Variants in NLGN1 observed in about 807,000 individuals in gnomAD.
NLGN1 encodes the protein neuroligin 1.
Under a neutral mutation model 65.5 loss-of-function variants are expected in NLGN1, and 12 were observed. The ratio of observed to expected loss-of-function variants is 0.18; its 90% CI spans 0.12 to 0.30. NLGN1 has a LOEUF of 0.30. Ranked by LOEUF, NLGN1 falls within the 10% of genes least tolerant of loss-of-function variation. NLGN1 has a pLI of 1.00. For synonymous variants in NLGN1, 350 were observed against 359.5 expected (o/e 0.97, Z 0.30); for missense variants, 750 against 1,007.1 (o/e 0.74, Z 3.46).
intron 4 of NLGN1, among the ~76,000 whole-genome samples, chr3:173,883,458 G>A (rs998924149): frequency 2.6e-5 from 4 of 152,092 alleles, no homozygotes; most frequent in African/African-American, 4.8e-5. Flanking sequence ...TTGAAGTATT[G>A]CACTGATTAC....
At chr3:173,500,386 C>A (rs989102604) in intron 2 of NLGN1, among the ~76,000 whole-genome samples, 7 of 152,106 alleles carry the variant, frequency 4.6e-5, no homozygotes, top group African/African-American at 1.4e-4. Flanking sequence ...CCAGCCTTGC[C>A]TCCAAGGGAT....
chr3:173,600,297 A>G (rs1276494120), intron 2 of NLGN1, among the ~76,000 whole-genome samples: 1 of 152,122 alleles, frequency 6.6e-6, no homozygotes, highest in East Asian at 1.9e-4. Context: ...GAACATAACT[A>G]CCATGAATAA....
chr3:174,196,006 G>C (rs1421417), intron 4 of NLGN1, among the ~76,000 whole-genome samples: 31,109 of 152,064 alleles, frequency 0.2, 3,586 homozygotes, highest in African/African-American at 0.3. Flanking sequence ...TGAGGATAAA[G>C]CAGGAGGGGC....
intron 2 of NLGN1, among the ~76,000 whole-genome samples, chr3:173,515,186 A>G (rs1733626526): frequency 6.6e-6 from 1 of 152,092 alleles, no homozygotes; most frequent in Non-Finnish European, 1.5e-5. Flanking sequence ...TTTTGATAAT[A>G]GCCATCCTAA....
intron 3 of NLGN1, among the ~76,000 whole-genome samples, chr3:173,711,883 C>T (rs187481382): frequency 1.3e-5 from 2 of 152,242 alleles, no homozygotes; most frequent in East Asian, 3.9e-4. Flanking sequence ...TTACGCTTTC[C>T]CAGAGTACGG....
intron 3 of NLGN1, among the ~76,000 whole-genome samples, chr3:173,754,453 A>T (rs1319224358): frequency 6.6e-6 from 1 of 152,036 alleles, no homozygotes; most frequent in Non-Finnish European, 1.5e-5. Context: ...TCTCTGTTTC[A>T]TATTTTTTCT....
At chr3:173,657,353 CCTT>C (rs1169090905) in intron 3 of NLGN1, among the ~76,000 whole-genome samples, 1 of 151,944 alleles carries the variant, frequency 6.6e-6, no homozygotes, top group Non-Finnish European at 1.5e-5. Context: ...TGGTTTTTGA[CCTT>C]CTTTACTGCT....
At chr3:173,988,571 C>T (rs1344317593) in intron 4 of NLGN1, among the ~76,000 whole-genome samples, 4 of 152,072 alleles carry the variant, frequency 2.6e-5, no homozygotes, top group Non-Finnish European at 4.4e-5. Flanking sequence ...CTTTTAAGCA[C>T]GAGGCTGCCT....
intron 2 of NLGN1, among the ~76,000 whole-genome samples, chr3:173,479,343 T>C (rs1028308412): frequency 6.6e-6 from 1 of 152,130 alleles, no homozygotes; most frequent in Non-Finnish European, 1.5e-5. Context: ...ATGTAAATTA[T>C]AGAATCCCAA....
intron 3 of NLGN1, among the ~76,000 whole-genome samples, chr3:173,713,957 A>G (rs1769413567): frequency 1.3e-5 from 2 of 152,146 alleles, no homozygotes; most frequent in Admixed American, 1.3e-4. Flanking sequence ...ATCCTAACAA[A>G]GTAGAGATAG....
At chr3:173,998,111 G>A (rs1722621270) in intron 4 of NLGN1, among the ~76,000 whole-genome samples, 1 of 152,094 alleles carries the variant, frequency 6.6e-6, no homozygotes. Flanking sequence ...GTTTTATGAA[G>A]GAGAAAAGTA....
At chr3:173,446,017 T>A (rs534333856) in intron 2 of NLGN1, among the ~76,000 whole-genome samples, 1 of 152,272 alleles carries the variant, frequency 6.6e-6, no homozygotes, top group Non-Finnish European at 1.5e-5. Flanking sequence ...AGCTATCAGA[T>A]GCAAATTCCA....
chr3:173,547,859 G>T (rs960238651), intron 2 of NLGN1, among the ~76,000 whole-genome samples: 1 of 151,964 alleles, frequency 6.6e-6, no homozygotes, highest in East Asian at 1.9e-4. Flanking sequence ...TCTATTACAG[G>T]GGGGTAGGAA....
At chr3:173,468,620 T>C (rs1724786104) in intron 2 of NLGN1, among the ~76,000 whole-genome samples, 1 of 152,126 alleles carries the variant, frequency 6.6e-6, no homozygotes, top group African/African-American at 2.4e-5. Flanking sequence ...GAATAACCTT[T>C]TTCCGTCAGT....
intron 4 of NLGN1, among the ~76,000 whole-genome samples, chr3:174,169,642 T>C (rs564878659): frequency 2.6e-5 from 4 of 151,728 alleles, no homozygotes; most frequent in African/African-American, 9.7e-5. Flanking sequence ...GGGAGTAGAG[T>C]AGAAAGGGCC....
At chr3:173,799,100 G>C (rs1714828454) in intron 3 of NLGN1, among the ~76,000 whole-genome samples, 1 of 151,926 alleles carries the variant, frequency 6.6e-6, no homozygotes, top group Non-Finnish European at 1.5e-5. Flanking sequence ...ATCAGTACAT[G>C]ACTTTCAGTC....
chr3:173,739,150 A>G (rs1398388022), intron 3 of NLGN1, among the ~76,000 whole-genome samples: 1 of 152,004 alleles, frequency 6.6e-6, no homozygotes, highest in Non-Finnish European at 1.5e-5. Context: ...GTACTCATGG[A>G]ACATCAAACA....
Position 173,996,978 on chromosome 3 carries a change from GT to G in NLGN1, c.646+189152del, listed in dbSNP as rs539823974. 3.0e-3 allele frequency among the ~76,000 whole-genome samples: 452 copies of G among 152,112 alleles called. 8 individuals are homozygous for G. Among genetic ancestry groups the G allele is most frequent in the African/African-American group, 0.01 (416 of 41,502 alleles). ...AAATCCCAAATCTATACAAGACAATGTTTTTTAAATAGTGGTTTGTGACATA... is the reference window on the plus strand; with the variant it reads ...AAATCCCAAATCTATACAAGACAATGTTTTTAAATAGTGGTTTGTGACATA... On this transcript the variant is annotated intron_variant, in intron 4 of 6. Transcript: ENST00000457714.
At chr3:174,096,020 A>C (rs1449712092) in intron 4 of NLGN1, among the ~76,000 whole-genome samples, 1 of 151,762 alleles carries the variant, frequency 6.6e-6, no homozygotes, top group Non-Finnish European at 1.5e-5. Context: ...TAAATAAATA[A>C]AAAGTAATTA....
Sources: gnomAD v4.1 joint callset for allele counts (sites outside exome capture counted in the v4.1 genomes callset) on GRCh38, gnomAD v4.1.1 for gene constraint, MANE v1.5 for transcripts, NCBI Gene and HGNC (gene_info 2026-07-23, HGNC 2026-07-21) for gene names.